Variants in HUNK observed in about 807,000 individuals in gnomAD.
HUNK encodes the protein hormonally up-regulated neu tumor-associated kinase.
A neutral mutation model predicts 61.0 loss-of-function variants in HUNK; 21 were observed. The ratio of observed to expected loss-of-function variants is 0.34; its 90% CI spans 0.24 to 0.50. The LOEUF is 0.50. Ranked by LOEUF, HUNK falls within the 20% of genes least tolerant of loss-of-function variation. HUNK has a pLI of 0.98. For synonymous variants in HUNK, 371 were observed against 386.1 expected, an observed-to-expected ratio of 0.96 and a Z score of 0.46; for missense variants, 772 against 945.7, an observed-to-expected ratio of 0.82 and a Z score of 2.41.
At chr21:31,970,267 C>A (rs1021224180) in intron 6 of HUNK, among the ~76,000 whole-genome samples, 6 of 152,122 alleles carry the variant, frequency 3.9e-5, no homozygotes, top group Admixed American at 3.3e-4. Flanking sequence ...TTTAAAGGGG[C>A]GTGGGAGTCT....
chr21:31,934,300 G>A (rs1016876563), intron 2 of HUNK, among the ~76,000 whole-genome samples: 2 of 151,766 alleles, frequency 1.3e-5, no homozygotes, highest in Non-Finnish European at 2.9e-5. Flanking sequence ...AAAATTAGCC[G>A]GGTGCGGTGG....
intron 10 of HUNK, among the ~76,000 whole-genome samples, chr21:31,997,664 T>G (rs928017580): frequency 6.6e-6 from 1 of 152,234 alleles, no homozygotes; most frequent in Admixed American, 6.5e-5. Context: ...GTGAATATAC[T>G]TATTATTGCT....
rs79351578 is a variant in HUNK, at chr21:31,993,972, A to T, written c.1306-1796A>T. On this transcript the variant is annotated intron_variant, in intron 9 of 10. Coordinates refer to ENST00000270112, the MANE Select transcript of HUNK (RefSeq NM_014586.2). ...TGCAGGCTCTGAGAGTGTGGTGTCA[A>T]GTCAAGGGTTGACAACATCAACTTC... is the stretch of plus-strand genomic sequence containing the variant. 5.6e-3 allele frequency among the ~76,000 whole-genome samples: 852 copies of T among 152,258 alleles called. 8 individuals are homozygous for T. The highest frequency in any genetic ancestry group is 0.019 in the African/African-American group (803 of 41,546).
intron 5 of HUNK, among the ~76,000 whole-genome samples, chr21:31,959,433 T>G (rs949279652): frequency 6.6e-6 from 1 of 152,226 alleles, no homozygotes; most frequent in East Asian, 1.9e-4. Context: ...AGTTGAGGTT[T>G]TGAGCCCGTT....
At chr21:31,876,857 AGG>A (rs752461817) in intron 1 of HUNK, among the ~76,000 whole-genome samples, 17 of 152,252 alleles carry the variant, frequency 1.1e-4, no homozygotes, top group South Asian at 2.1e-4. Context: ...TGTGTTGCTC[AGG>A]CTGGTCTCCA....
At chr21:31,950,838 CA>C (rs1390014036) in intron 4 of HUNK, among the ~76,000 whole-genome samples, 1 of 151,994 alleles carries the variant, frequency 6.6e-6, no homozygotes, top group African/African-American at 2.4e-5. Flanking sequence ...GGCTCAGAAA[CA>C]AAAACAGAAT....
At chr21:31,973,458 A>G (rs1357804450) in intron 6 of HUNK, among the ~76,000 whole-genome samples, 1 of 152,116 alleles carries the variant, frequency 6.6e-6, no homozygotes, top group East Asian at 1.9e-4. Context: ...CATTCTTTGT[A>G]TCACTCTTAA....
At chr21:31,906,597 T>C (rs1024101194) in intron 1 of HUNK, among the ~76,000 whole-genome samples, 8 of 152,028 alleles carry the variant, frequency 5.3e-5, no homozygotes, top group African/African-American at 1.9e-4. Flanking sequence ...AAATGGCTAA[T>C]GTTTGTATTT....
chr21:31,979,799 G>A (rs549122935), intron 7 of HUNK, among the ~76,000 whole-genome samples: 22 of 152,170 alleles, frequency 1.4e-4, no homozygotes, highest in African/African-American at 5.1e-4. Flanking sequence ...ACAGGCATAA[G>A]CCACCACGCC....
chr21:31,987,542 G>A (rs1200666789), intron 8 of HUNK, among the ~76,000 whole-genome samples: 2 of 152,190 alleles, frequency 1.3e-5, no homozygotes, highest in South Asian at 2.1e-4. Context: ...CTTTCATCTC[G>A]ATTCCTTTTC....
At chr21:31,918,712 A>G (rs1037217077) in intron 1 of HUNK, among the ~76,000 whole-genome samples, 2 of 152,174 alleles carry the variant, frequency 1.3e-5, no homozygotes, top group African/African-American at 4.8e-5. Context: ...CGTCTTTTAA[A>G]GACATTTTTG....
intron 3 of HUNK, among the ~76,000 whole-genome samples, chr21:31,945,619 C>G (rs2052796863): frequency 1.3e-5 from 2 of 152,290 alleles, no homozygotes; most frequent in Middle Eastern, 6.8e-3. Context: ...GAGAATCAAT[C>G]TTCCCTCATC....
intron 2 of HUNK, among the ~76,000 whole-genome samples, chr21:31,936,288 A>T (rs2052733162): frequency 6.6e-6 from 1 of 152,226 alleles, no homozygotes; most frequent in Non-Finnish European, 1.5e-5. Flanking sequence ...TTAAAAAATG[A>T]GATTTTAGTG....
At chr21:31,989,424 T>C (rs1294928596) in intron 8 of HUNK, among the ~76,000 whole-genome samples, 1 of 152,120 alleles carries the variant, frequency 6.6e-6, no homozygotes, top group East Asian at 1.9e-4. Context: ...ATCAGAAGTG[T>C]AGTTACTTGG....
chr21:31,920,616 G>A (rs1279880186), intron 1 of HUNK, among the ~76,000 whole-genome samples: 1 of 152,128 alleles, frequency 6.6e-6, no homozygotes, highest in Non-Finnish European at 1.5e-5. Context: ...TTTTTGGAGG[G>A]TAACAGTTAA....
intron 7 of HUNK, among the ~76,000 whole-genome samples, chr21:31,976,936 A>C (rs1416174651): frequency 6.6e-6 from 1 of 151,048 alleles, no homozygotes; most frequent in African/African-American, 2.4e-5. Flanking sequence ...ATGACCAACT[A>C]ATTTTTGTAT....
At chr21:31,986,795 C>T (rs2053136523) in intron 8 of HUNK, among the ~76,000 whole-genome samples, 1 of 152,142 alleles carries the variant, frequency 6.6e-6, no homozygotes, top group Non-Finnish European at 1.5e-5. Context: ...GTCTTCAGAT[C>T]CCAGAGCAAG....
At chr21:31,998,503 G>A in intron 10 of HUNK, 23 bp from the exon 11 acceptor site, 2 of 1,555,424 alleles carry the variant, frequency 1.3e-6, no homozygotes, top group Non-Finnish European at 1.7e-6. Flanking sequence ...CCTCATGATT[G>A]TTTATGCTTT....
intron 6 of HUNK, among the ~76,000 whole-genome samples, chr21:31,969,716 G>A (rs1458021615): frequency 6.6e-6 from 1 of 151,944 alleles, no homozygotes; most frequent in Non-Finnish European, 1.5e-5. Flanking sequence ...ACAGGCATGA[G>A]CCACCATGTC....
Sources: allele counts gnomAD v4.1 joint callset (sites outside exome capture counted in the v4.1 genomes callset), GRCh38; gene constraint gnomAD v4.1.1; transcripts MANE v1.5; gene names NCBI Gene and HGNC (gene_info 2026-07-23, HGNC 2026-07-21).